KCNIP1: variants seen among roughly 807,000 people sequenced by gnomAD.
KCNIP1 encodes potassium voltage-gated channel interacting protein 1.
In KCNIP1, 18 loss-of-function variants were observed where a neutral mutation model predicts 33.0. The ratio of observed to expected loss-of-function variants is 0.55; its 90% CI spans 0.38 to 0.81. KCNIP1 has a LOEUF of 0.81. Among genes scored for constraint, KCNIP1 ranks in the 30% least tolerant of loss-of-function variants. The probability of loss-of-function intolerance (pLI) is 0.00; values close to 1 mark genes in which losing one functional copy is unlikely to be tolerated. For synonymous variants in KCNIP1, 93 were observed against 98.3 expected (o/e 0.95, Z 0.32); for missense variants, 238 against 271.6 (o/e 0.88, Z 0.87).
At position 170,407,732 on chromosome 5, in the gene KCNIP1, G is replaced by T. The variant is rs1342835421; in HGVS notation, c.88+53768G>T. On this transcript the variant is annotated intron_variant, in intron 1 of 7. Transcript: ENST00000377360. ...ACCCAACACGCTTCCTGAGGGCAGG[G>T]CAAACTTGGACATTATTGACAGAAC... is the stretch of plus-strand genomic sequence containing the variant. 2.6e-5 allele frequency among the ~76,000 whole-genome samples: 4 copies of T among 152,312 alleles called. No homozygotes were observed. The South Asian group carries it at 6.2e-4, about 24-fold the overall frequency.
intron 1 of KCNIP1, among the ~76,000 whole-genome samples, chr5:170,396,513 A>T (rs1306647411): frequency 1.3e-5 from 2 of 152,262 alleles, no homozygotes; most frequent in Non-Finnish European, 2.9e-5. Flanking sequence ...GACAGAAGCT[A>T]CAGGCAGACA....
intron 1 of KCNIP1, among the ~76,000 whole-genome samples, chr5:170,512,431 G>A (rs374307252): frequency 6.6e-6 from 1 of 152,164 alleles, no homozygotes; most frequent in Non-Finnish European, 1.5e-5. Flanking sequence ...AATCACCTGC[G>A]TATGTTATAC....
intron 1 of KCNIP1, among the ~76,000 whole-genome samples, chr5:170,463,488 T>C (rs769768967): frequency 2.6e-5 from 4 of 152,144 alleles, no homozygotes; most frequent in Non-Finnish European, 4.4e-5. Flanking sequence ...CCAAATAGGA[T>C]TTATCAAAGG....
intron 1 of KCNIP1, among the ~76,000 whole-genome samples, chr5:170,679,635 G>GTGTGTA (rs1371962792): frequency 6.6e-6 from 1 of 150,706 alleles, no homozygotes; most frequent in Admixed American, 6.6e-5. Context: ...CAGTGTGTGT[G>GTGTGTA]TGTGTGTGTG....
At chr5:170,385,508 C>G (rs1400287278) in intron 1 of KCNIP1, 16 of 1,592,496 alleles carry the variant, frequency 1.0e-5, no homozygotes, top group African/African-American at 1.3e-5. Flanking sequence ...GAGATCAGCC[C>G]AGTTCACAGG....
intron 1 of KCNIP1, among the ~76,000 whole-genome samples, chr5:170,386,049 C>A (rs987836404): frequency 6.6e-6 from 1 of 151,478 alleles, no homozygotes; most frequent in Non-Finnish European, 1.5e-5. Flanking sequence ...TGGCATGAAC[C>A]CAGGAGGCGG....
intron 1 of KCNIP1, among the ~76,000 whole-genome samples, chr5:170,695,258 C>A (rs1357727176): frequency 1.3e-5 from 2 of 152,212 alleles, no homozygotes; most frequent in African/African-American, 4.8e-5. Context: ...AAGTTAACAT[C>A]ATCTCTCATC....
chr5:170,479,597 G>GATTTTA (rs1477003987), intron 1 of KCNIP1, among the ~76,000 whole-genome samples: 66 of 152,260 alleles, frequency 4.3e-4, no homozygotes, highest in African/African-American at 1.5e-3. Flanking sequence ...TAAAATGCAA[G>GATTTTA]CTCAGCATGA....
At chr5:170,605,910 G>A (rs1396498031) in intron 1 of KCNIP1, among the ~76,000 whole-genome samples, 1 of 151,910 alleles carries the variant, frequency 6.6e-6, no homozygotes, top group African/African-American at 2.4e-5. Context: ...ATGTAGCTGG[G>A]ATTACAGGCA....
chr5:170,524,183 T>G (rs1755484730), intron 1 of KCNIP1, among the ~76,000 whole-genome samples: 1 of 152,154 alleles, frequency 6.6e-6, no homozygotes, highest in African/African-American at 2.4e-5. Flanking sequence ...CCTTCCATGG[T>G]TTCCTTCACT....
In KCNIP1 at chr5:170,448,558, C is replaced by T. The variant is rs1370955572; in HGVS notation, c.88+94594C>T. Among the ~76,000 whole-genome samples, 3 of 152,346 alleles carry T rather than the reference C, an allele frequency of 2.0e-5. No individual in the cohort carries two copies. The East Asian group carries it at 5.8e-4, about 29-fold the overall frequency. On this transcript the variant is annotated intron_variant, in intron 1 of 7. Coordinates refer to the KCNIP1 transcript ENST00000377360. ...TGGTGATGCTAATGGAGAGACTTGC[C>T]TGAGGAATACTGACCACCAAAAGGA...
At chr5:170,452,467 T>A (rs539208617) in intron 1 of KCNIP1, among the ~76,000 whole-genome samples, 6 of 152,228 alleles carry the variant, frequency 3.9e-5, no homozygotes, top group African/African-American at 1.4e-4. Context: ...TGGGGCCTCA[T>A]AAATGTCAAC....
intron 1 of KCNIP1, among the ~76,000 whole-genome samples, chr5:170,390,510 AAAAACAAATAT>A (rs1430620173): frequency 4.3e-5 from 4 of 92,334 alleles, no homozygotes; most frequent in East Asian, 3.8e-4. Flanking sequence ...CTCAAAAAAA[AAAAACAAATAT>A]ATATATATAT....
At chr5:170,385,193 C>T in intron 1 of KCNIP1, 2 of 1,107,632 alleles carry the variant, frequency 1.8e-6, no homozygotes, top group Non-Finnish European at 2.7e-6. Flanking sequence ...TGAGCATCGT[C>T]TTGACCCTGC....
At chr5:170,624,782 G>A (rs1045533853) in intron 1 of KCNIP1, among the ~76,000 whole-genome samples, 10 of 148,948 alleles carry the variant, frequency 6.7e-5, no homozygotes, top group African/African-American at 2.2e-4. Flanking sequence ...GGGGAGAAGG[G>A]GAGAAAAGCG....
chr5:170,733,924 A>C, intron 7 of KCNIP1, 26 bp downstream of exon 7: 5 of 1,600,812 alleles, frequency 3.1e-6, no homozygotes, highest in Non-Finnish European at 4.3e-6. Flanking sequence ...AGGGCACAAT[A>C]ACTCTACATC....
rs141205295 is a variant in KCNIP1 at position 170,556,091 on chromosome 5, G to A, written c.61+51458G>A. On this transcript the variant is annotated intron_variant, in intron 1 of 7. Transcript: ENST00000328939. ...TGAACACAAAATATGTACGAGGCAC[G>A]GGATTATGCACAGGAACCACGTCCG... Among the ~76,000 whole-genome samples the A allele has an allele frequency of 2.4e-3, 358 of 152,296 alleles. 1 individual carries two copies. The highest frequency in any genetic ancestry group is 8.1e-3 in the African/African-American group (338 of 41,562).
At chr5:170,431,376 G>T (rs1755737185) in intron 1 of KCNIP1, among the ~76,000 whole-genome samples, 1 of 152,192 alleles carries the variant, frequency 6.6e-6, no homozygotes, top group Non-Finnish European at 1.5e-5. Flanking sequence ...CTGCTGGAGG[G>T]CACAGGATCA....
chr5:170,367,989 T>A (rs1047829848), intron 1 of KCNIP1, among the ~76,000 whole-genome samples: 5 of 152,174 alleles, frequency 3.3e-5, no homozygotes, highest in African/African-American at 7.2e-5. Flanking sequence ...ATGGAAAAAA[T>A]TGTGTATTAA....
Sources: gnomAD v4.1 joint callset for allele counts (sites outside exome capture counted in the v4.1 genomes callset) on GRCh38, gnomAD v4.1.1 for gene constraint, MANE v1.5 for transcripts, NCBI Gene and HGNC (gene_info 2026-07-23, HGNC 2026-07-21) for gene names.